OR51I2: variants seen among roughly 807,000 people sequenced by gnomAD.
The protein encoded by OR51I2 is olfactory receptor 51I2.
A neutral mutation model predicts 9.3 loss-of-function variants in OR51I2; 6 were observed. The observed-to-expected ratio is 0.64, with a 90% CI of 0.35 to 1.27. The LOEUF (loss-of-function observed/expected upper bound fraction) is 1.27, where lower values mean the gene tolerates loss of function less well. Ranked by LOEUF, OR51I2 falls within the 50% of genes most tolerant of loss-of-function variation. The pLI, the probability that OR51I2 is intolerant of heterozygous loss-of-function variation, is 0.03. For synonymous variants in OR51I2, 179 were observed against 143.1 expected (o/e 1.25, Z -1.79); for missense variants, 489 against 396.4 (o/e 1.23, Z -1.98).
chr11:5,454,536 A>T lies in OR51I2; in HGVS notation c.*109A>T. ...ATAGATTGTGTGCTGCGGGAAAAGTAGGCCAGGAGATGGTGATGCAAAACT... is the reference window on the plus strand; with the variant it reads ...ATAGATTGTGTGCTGCGGGAAAAGTTGGCCAGGAGATGGTGATGCAAAACT... On this transcript the variant is annotated 3_prime_UTR_variant, in exon 2 of 2. Transcript: ENST00000641930. 1 of 925,218 alleles carries T rather than the reference A, an allele frequency of 1.1e-6. No homozygotes were observed. Among genetic ancestry groups the T allele is most frequent in the Non-Finnish European group, 1.6e-6 (1 of 612,824 alleles). The allele number at this position is 925,218 out of a possible 1,614,324, so 57.3% of individuals were successfully genotyped here.
At chr11:5,451,895 G>A (rs190175426) in intron 1 of OR51I2, among the ~76,000 whole-genome samples, 11 of 152,284 alleles carry the variant, frequency 7.2e-5, no homozygotes, top group Non-Finnish European at 1.5e-4. Flanking sequence ...CATCCACGAT[G>A]AGGCAATGAA....
In OR51I2 at chr11:5,455,377, A is replaced by G. The variant is rs1409216209; in HGVS notation, c.*950A>G. 1 of 150,268 alleles carries G rather than the reference A, an allele frequency of 6.7e-6. No homozygotes were observed. Among genetic ancestry groups the G allele is most frequent in the African/African-American group, 2.4e-5 (1 of 41,048 alleles). The allele number at this position is 150,268 out of a possible 1,614,324, so 9.3% of individuals were successfully genotyped here. On this transcript the variant is annotated 3_prime_UTR_variant, in exon 2 of 2. Coordinates refer to ENST00000641930, the MANE Select transcript of OR51I2 (RefSeq NM_001004754.3). The stretch of plus-strand genomic sequence containing the variant: ...TGCAAAAAAAAAAAGCCTAGGATAG[A>G]CAGACTAGAGCACTTATGGTTTAGA...
chr11:5,454,154 G>C lies in OR51I2; in HGVS notation c.666G>C (p.Leu222=). 6 of 1,614,100 alleles carry C rather than the reference G, an allele frequency of 3.7e-6. No individual in the cohort carries two copies. Among genetic ancestry groups the C allele is most frequent in the Non-Finnish European group, 5.1e-6 (6 of 1,180,014 alleles). Residue 222 remains leucine, a synonymous_variant, in exon 2 of 2, where the codon CTG becomes CTC. Coordinates refer to ENST00000641930, the MANE Select transcript of OR51I2 (RefSeq NM_001004754.3). The part of the protein sequence containing the change: ...FFIFLSYVLI[L]RSVMATASRE... ...TCTTCCTCTCCTATGTGCTCATTCTGCGTTCTGTCATGGCCACTGCTTCCC... is the reference window on the plus strand; with the variant it reads ...TCTTCCTCTCCTATGTGCTCATTCTCCGTTCTGTCATGGCCACTGCTTCCC...
intron 1 of OR51I2, among the ~76,000 whole-genome samples, chr11:5,452,842 G>A (rs996558996): frequency 6.6e-6 from 1 of 152,162 alleles, no homozygotes; most frequent in Non-Finnish European, 1.5e-5. Flanking sequence ...ACAGCCTTGT[G>A]CCTTTGCACA....
chr11:5,454,156 G>T lies in OR51I2; in HGVS notation c.668G>T (p.Arg223Leu), dbSNP rs746240729. The part of the protein sequence containing the change: ...FIFLSYVLIL[R>L]SVMATASREE... ...TTCCTCTCCTATGTGCTCATTCTGC[G>T]TTCTGTCATGGCCACTGCTTCCCGT... Residue 223 changes from arginine to leucine, a missense_variant, in exon 2 of 2, where the codon CGT becomes CTT. Transcript: ENST00000641930. 6.2e-7 allele frequency: 1 copy of T among 1,614,012 alleles called. No individual in the cohort carries two copies. Among genetic ancestry groups the T allele is most frequent in the Non-Finnish European group, 8.5e-7 (1 of 1,180,004 alleles).
Position 5,453,866 on chromosome 11 carries a change from T to TTGTGACCCC in OR51I2, c.380_388dup (p.Cys127_Pro129dup). 6 of 1,614,234 alleles carry TTGTGACCCC rather than the reference T, an allele frequency of 3.7e-6. No homozygotes were observed. The highest frequency in any genetic ancestry group is 5.1e-6 in the Non-Finnish European group (6 of 1,180,044). The stretch of plus-strand genomic sequence containing the variant: ...TGAGTTTTGACCGCTATGTGGCCAT[T>TTGTGACCCC]TGTGACCCCTTGCGCTATGCAACTG... On this transcript the variant is annotated inframe_insertion, in exon 2 of 2. Transcript: ENST00000641930.
In OR51I2 at chr11:5,455,749, A is replaced by G. The variant is rs1211168765; in HGVS notation, c.*1322A>G. On this transcript the variant is annotated 3_prime_UTR_variant, in exon 2 of 2. Coordinates refer to ENST00000641930, the MANE Select transcript of OR51I2 (RefSeq NM_001004754.3). ...CTCTTTGTATTGAGGAAATACCAAC[A>G]AGAGAGAGAGTCAGAAAGAGGGAGC... The G allele has an allele frequency of 6.6e-6, 1 of 152,068 alleles. No homozygotes were observed. The highest frequency in any genetic ancestry group is 1.5e-5 in the Non-Finnish European group (1 of 67,988). 9.4% of individuals were successfully genotyped at this position (152,068 alleles called of 1,614,324 possible).
At position 5,454,121 on chromosome 11, in the gene OR51I2, G is replaced by A. The variant is rs990934444; in HGVS notation, c.633G>A (p.Leu211=). Residue 211 remains leucine (L), a synonymous_variant, in exon 2 of 2, where the codon CTG becomes CTA. Coordinates refer to ENST00000641930, the MANE Select transcript of OR51I2 (RefSeq NM_001004754.3). ...FVLVSTFGMD[L]FFIFLSYVLI... Reference sequence around the variant, plus strand: ...TTGTATCCACCTTTGGCATGGACCTGTTTTTTATCTTCCTCTCCTATGTGC... The same window carrying A: ...TTGTATCCACCTTTGGCATGGACCTATTTTTTATCTTCCTCTCCTATGTGC... 5 of 1,614,046 alleles carry A rather than the reference G, an allele frequency of 3.1e-6. No homozygotes were observed. The Admixed American group carries it at 8.3e-5, about 27-fold the overall frequency.
In OR51I2 at chr11:5,454,144, T is replaced by C; in HGVS notation, c.656T>C (p.Val219Ala). The C allele has an allele frequency of 1.2e-6, 2 of 1,614,246 alleles. No individual in the cohort carries two copies. The highest frequency in any genetic ancestry group is 1.7e-6 in the Non-Finnish European group (2 of 1,180,048). ...CTGTTTTTTATCTTCCTCTCCTATG[T>C]GCTCATTCTGCGTTCTGTCATGGCC... ...MDLFFIFLSY[V>A]LILRSVMATA... The change falls in exon 2 of 2, where the codon GTG becomes GCG. Residue 219 changes from valine to alanine, a missense_variant. Coordinates refer to ENST00000641930, the MANE Select transcript of OR51I2 (RefSeq NM_001004754.3).
chr11:5,454,345 T>C lies in OR51I2; in HGVS notation c.857T>C (p.Val286Ala). ...MSNVYLFVPPVLNPLIYSAKT... is the reference protein window; with the variant it reads ...MSNVYLFVPPALNPLIYSAKT... ...AATGTGTACCTATTTGTGCCTCCTG[T>C]GCTCAACCCTCTCATTTATAGCGCC... Residue 286 changes from valine (V) to alanine (A), a missense_variant, in exon 2 of 2, where the codon GTG becomes GCG. Transcript: ENST00000641930. 1 of 1,614,126 alleles carries C rather than the reference T, an allele frequency of 6.2e-7. No individual in the cohort carries two copies. Among genetic ancestry groups the C allele is most frequent in the Non-Finnish European group, 8.5e-7 (1 of 1,180,028 alleles).
In OR51I2 at chr11:5,454,207, C is replaced by G. The variant is rs764054587; in HGVS notation, c.719C>G (p.Thr240Arg). Reference protein sequence around the residue: ...SREERLKALNTCVSHILAVLA... With the variant: ...SREERLKALNRCVSHILAVLA... The stretch of plus-strand genomic sequence containing the variant: ...GAGGAACGCCTCAAAGCTCTCAACA[C>G]ATGTGTGTCACATATCCTGGCTGTA... Residue 240 changes from threonine (T) to arginine (R), a missense_variant, in exon 2 of 2, where the codon ACA (threonine) becomes AGA (arginine). Transcript: ENST00000641930. The G allele has an allele frequency of 6.2e-7, 1 of 1,614,186 alleles. No individual in the cohort carries two copies. Among genetic ancestry groups the G allele is most frequent in the South Asian group, 1.1e-5 (1 of 91,084 alleles).
chr11:5,454,518 G>C lies in OR51I2; in HGVS notation c.*91G>C. ...TCATCATCAAAGTATAAGATAGATTGTGTGCTGCGGGAAAAGTAGGCCAGG... is the reference window on the plus strand; with the variant it reads ...TCATCATCAAAGTATAAGATAGATTCTGTGCTGCGGGAAAAGTAGGCCAGG... On this transcript the variant is annotated 3_prime_UTR_variant, in exon 2 of 2. Transcript: ENST00000641930. 9.0e-7 allele frequency: 1 copy of C among 1,110,442 alleles called. No homozygotes were observed. Among genetic ancestry groups the C allele is most frequent in the Middle Eastern group, 2.1e-4 (1 of 4,854 alleles). 68.8% of individuals were successfully genotyped at this position (1,110,442 alleles called of 1,614,324 possible).
Position 5,453,706 on chromosome 11 carries a change from T to C in OR51I2, c.218T>C (p.Ile73Thr), listed in dbSNP as rs770911627. Residue 73 changes from isoleucine (I) to threonine (T), a missense_variant, in exon 2 of 2, where the codon ATA becomes ACA. Transcript: ENST00000641930. ...LSMLSFSDVAISMATLPTVLR... is the reference protein window; with the variant it reads ...LSMLSFSDVATSMATLPTVLR... ...ATGTTGTCCTTCAGTGATGTGGCCA[T>C]ATCCATGGCCACACTGCCCACTGTA... 2 of 1,613,990 alleles carry C rather than the reference T, an allele frequency of 1.2e-6. No individual in the cohort carries two copies. Among genetic ancestry groups the C allele is most frequent in the African/African-American group, 1.3e-5 (1 of 75,038 alleles).
chr11:5,453,699 G>A lies in OR51I2; in HGVS notation c.211G>A (p.Val71Met). 1.9e-6 allele frequency: 3 copies of A among 1,613,788 alleles called. No homozygotes were observed. The highest frequency in any genetic ancestry group is 2.5e-6 in the Non-Finnish European group (3 of 1,179,854). The change falls in exon 2 of 2, where the codon GTG becomes ATG. Residue 71 changes from valine to methionine, a missense_variant. Transcript: ENST00000641930. Reference protein sequence around the residue: ...YFLSMLSFSDVAISMATLPTV... With the variant: ...YFLSMLSFSDMAISMATLPTV... ...CCTGTCCATGTTGTCCTTCAGTGAT[G>A]TGGCCATATCCATGGCCACACTGCC... is the stretch of plus-strand genomic sequence containing the variant.
chr11:5,454,339 C>T lies in OR51I2; in HGVS notation c.851C>T (p.Pro284Leu). ...ATGTCAAATGTGTACCTATTTGTGC[C>T]TCCTGTGCTCAACCCTCTCATTTAT... ...VLMSNVYLFV[P>L]PVLNPLIYSA... Residue 284 changes from proline (P) to leucine (L), a missense_variant, in exon 2 of 2, where the codon CCT becomes CTT. By Grantham distance (98) the Pro-to-Leu change is moderately conservative. Transcript: ENST00000641930. 6.2e-7 allele frequency: 1 copy of T among 1,614,120 alleles called. No individual in the cohort carries two copies. Among genetic ancestry groups the T allele is most frequent in the Non-Finnish European group, 8.5e-7 (1 of 1,180,018 alleles).
chr11:5,451,572 C>G (rs1850849687), intron 1 of OR51I2, among the ~76,000 whole-genome samples: 1 of 152,204 alleles, frequency 6.6e-6, no homozygotes, highest in South Asian at 2.1e-4. Flanking sequence ...TTGCTGGAAA[C>G]CATAGTACCT....
chr11:5,450,134 A>T (rs1189925518), intron 1 of OR51I2, among the ~76,000 whole-genome samples: 1 of 152,190 alleles, frequency 6.6e-6, no homozygotes, highest in Non-Finnish European at 1.5e-5. Flanking sequence ...CATACCTGTA[A>T]TCCCAGCACT....
chr11:5,451,339 C>G (rs973407414), intron 1 of OR51I2, among the ~76,000 whole-genome samples: 2 of 152,186 alleles, frequency 1.3e-5, no homozygotes, highest in African/African-American at 4.8e-5. Flanking sequence ...CCTTCTCTTT[C>G]TGTTACTTTT....
At position 5,454,119 on chromosome 11, in the gene OR51I2, C is replaced by A; in HGVS notation, c.631C>A (p.Leu211Met). The change falls in exon 2 of 2, where the codon CTG becomes ATG. Residue 211 changes from leucine (L) to methionine (M), a missense_variant. Physicochemically the swap from Leu to Met is conservative, Grantham distance 15. Coordinates refer to ENST00000641930, the MANE Select transcript of OR51I2 (RefSeq NM_001004754.3). ...FVLVSTFGMDLFFIFLSYVLI... is the reference protein window; with the variant it reads ...FVLVSTFGMDMFFIFLSYVLI... ...TCTTGTATCCACCTTTGGCATGGAC[C>A]TGTTTTTTATCTTCCTCTCCTATGT... 6.2e-7 allele frequency: 1 copy of A among 1,614,156 alleles called. No homozygotes were observed. Among genetic ancestry groups the A allele is most frequent in the Non-Finnish European group, 8.5e-7 (1 of 1,180,024 alleles).
Sources: allele counts gnomAD v4.1 joint callset (sites outside exome capture counted in the v4.1 genomes callset), GRCh38; gene constraint gnomAD v4.1.1; transcripts MANE v1.5; gene names NCBI Gene and HGNC (gene_info 2026-07-23, HGNC 2026-07-21).